PAX8: variants seen among roughly 807,000 people sequenced by gnomAD.
PAX8 encodes paired box protein Pax-8.
A neutral mutation model predicts 52.4 loss-of-function variants in PAX8; 15 were observed. The ratio of observed to expected loss-of-function variants is 0.29; its 90% CI spans 0.19 to 0.44. The LOEUF is 0.44. Ranked by LOEUF, PAX8 falls within the 20% of genes least tolerant of loss-of-function variation. PAX8 has a pLI of 1.00. For missense variants in PAX8, 554 were observed against 602.5 expected (o/e 0.92, Z 0.84); for synonymous variants, 284 against 249.7 (o/e 1.14, Z -1.29).
chr2:113,266,072 A>T (rs775786329), intron 2 of PAX8: 3 of 152,304 alleles, frequency 2.0e-5, no homozygotes, highest in Admixed American at 6.5e-5. Flanking sequence ...CATGGTGCAG[A>T]CTGAGCACAC....
At chr2:113,221,357 C>T (rs1367791415) in intron 10 of PAX8, among the ~76,000 whole-genome samples, 3 of 152,194 alleles carry the variant, frequency 2.0e-5, no homozygotes, top group South Asian at 2.1e-4. Flanking sequence ...TTCTGAGTCT[C>T]CTTCCCCAGA....
intron 2 of PAX8, among the ~76,000 whole-genome samples, chr2:113,261,196 G>C (rs1283831431): frequency 6.6e-6 from 1 of 152,152 alleles, no homozygotes; most frequent in Non-Finnish European, 1.5e-5. Flanking sequence ...TTTCTGGAGA[G>C]GAAACAGGGG....
chr2:113,262,854 C>T (rs1444712923), intron 2 of PAX8, among the ~76,000 whole-genome samples: 1 of 152,244 alleles, frequency 6.6e-6, no homozygotes, highest in African/African-American at 2.4e-5. Flanking sequence ...AACAACTCTT[C>T]TGACCCCTTG....
At chr2:113,220,035 C>T (rs1285115776) in intron 11 of PAX8, 57 bp downstream of exon 11, 40 of 1,308,618 alleles carry the variant, frequency 3.1e-5, no homozygotes, top group Non-Finnish European at 4.3e-5. Context: ...CCACCCTTGC[C>T]CCCCACCACT....
intron 2 of PAX8, chr2:113,275,094 G>A (rs1168752218): frequency 6.6e-6 from 1 of 151,918 alleles, no homozygotes; most frequent in Non-Finnish European, 1.5e-5. Flanking sequence ...TCCTTTTGGG[G>A]GTAGACTGAT....
chr2:113,278,654 G>A, intron 1 of PAX8, 177 bp downstream of exon 1: 1 of 660,704 alleles, frequency 1.5e-6, no homozygotes, highest in Non-Finnish European at 2.5e-6. Flanking sequence ...TCAAGGATTG[G>A]GAGTGCGCTG....
chr2:113,241,023 C>A, intron 7 of PAX8: 1 of 210,032 alleles, frequency 4.8e-6, no homozygotes, highest in Non-Finnish European at 9.8e-6. Flanking sequence ...GTCATGAAGG[C>A]TAGTGGTATT....
chr2:113,242,779 CTG>C lies in PAX8; in HGVS notation c.390-3_390-2del. ...TTGCTGCACTTTGGTCCGGATGATT[CTG>C]TGATGAAGAGAAGAAAGGCCATGAG... On this transcript the variant is annotated splice_acceptor_variant and splice_polypyrimidine_tract_variant and intron_variant, in intron 4 of 11. Coordinates refer to ENST00000429538, the MANE Select transcript of PAX8 (RefSeq NM_003466.4). LOFTEE classifies it high-confidence loss of function. 1 of 1,612,490 alleles carries C rather than the reference CTG, an allele frequency of 6.2e-7. No homozygotes were observed. Among genetic ancestry groups the C allele is most frequent in the Non-Finnish European group, 8.5e-7 (1 of 1,178,652 alleles).
At chr2:113,233,492 A>T (rs1690030402) in intron 9 of PAX8, among the ~76,000 whole-genome samples, 1 of 152,116 alleles carries the variant, frequency 6.6e-6, no homozygotes, top group Admixed American at 6.5e-5. Context: ...ATTCTGGCTA[A>T]CATGGTGAAA....
chr2:113,235,607 G>GGAGA, intron 8 of PAX8, 25 bp from the exon 9 acceptor site: 1 of 1,583,114 alleles, frequency 6.3e-7, no homozygotes, highest in Non-Finnish European at 8.6e-7. Context: ...GAGACAACAA[G>GGAGA]GAGAGAGGGG....
chr2:113,218,611 T>C lies in PAX8; in HGVS notation c.1277-2A>G. 6.5e-7 allele frequency: 1 copy of C among 1,549,858 alleles called. No individual in the cohort carries two copies. Among genetic ancestry groups the C allele is most frequent in the Non-Finnish European group, 8.7e-7 (1 of 1,144,320 alleles). On this transcript the variant is annotated splice_acceptor_variant, in intron 11 of 11. Coordinates refer to ENST00000429538, the MANE Select transcript of PAX8 (RefSeq NM_003466.4). LOFTEE classifies it high-confidence loss of function. ...TGGAACTGTAATAATATGGGGAACC[T>C]GGACACATTAAAAAAAAATAACAAC...
intron 2 of PAX8, among the ~76,000 whole-genome samples, chr2:113,254,686 C>T (rs1692060219): frequency 6.6e-6 from 1 of 152,204 alleles, no homozygotes; most frequent in African/African-American, 2.4e-5. Flanking sequence ...CACTACCTGA[C>T]CCTGACTTAG....
intron 2 of PAX8, among the ~76,000 whole-genome samples, chr2:113,248,779 T>A (rs1295160974): frequency 1.3e-5 from 2 of 150,354 alleles, no homozygotes; most frequent in Non-Finnish European, 3.0e-5. Context: ...ACCAACATGG[T>A]GAAACCCCAT....
At chr2:113,255,236 G>A (rs1414936027) in intron 2 of PAX8, among the ~76,000 whole-genome samples, 3 of 52,294 alleles carry the variant, frequency 5.7e-5, no homozygotes, top group African/African-American at 2.5e-4. Flanking sequence ...GGGAGGGGAG[G>A]AGGGAGGGGA....
intron 10 of PAX8, 120 bp from the exon 11 acceptor site, chr2:113,220,298 G>A (rs1689201562): frequency 1.4e-6 from 1 of 724,138 alleles, no homozygotes; most frequent in Non-Finnish European, 2.5e-6. Context: ...GGAGACAGTT[G>A]GAGCCACGGC....
chr2:113,241,883 T>TG, intron 6 of PAX8, 125 bp downstream of exon 6: 1 of 1,434,484 alleles, frequency 7.0e-7, no homozygotes, highest in Non-Finnish European at 9.7e-7. Flanking sequence ...GGACAGGACA[T>TG]GTGACAGTCA....
In PAX8 at chr2:113,216,353, G is replaced by T. The variant is rs1371982303; in HGVS notation, c.*2180C>A. 1 of 231,946 alleles carries T rather than the reference G, an allele frequency of 4.3e-6. No individual in the cohort carries two copies. Among genetic ancestry groups the T allele is most frequent in the African/African-American group, 2.2e-5 (1 of 45,244 alleles). 14.4% of individuals were successfully genotyped at this position (231,946 alleles called of 1,614,324 possible). ...AGCATCCCTAACCGCTCTTTGGGAG[G>T]CCTAAGGAGGTAAGAGCCCTCTCTC... On this transcript the variant is annotated 3_prime_UTR_variant, in exon 12 of 12. Coordinates refer to ENST00000429538, the MANE Select transcript of PAX8 (RefSeq NM_003466.4).
intron 4 of PAX8, among the ~76,000 whole-genome samples, 188 bp downstream of exon 4, chr2:113,244,239 T>A (rs2104497185): frequency 6.6e-6 from 1 of 152,202 alleles, no homozygotes; most frequent in East Asian, 1.9e-4. Flanking sequence ...CCCCATAGCA[T>A]GGGGCAAGGG....
intron 2 of PAX8, chr2:113,273,925 C>T (rs1490005144): frequency 6.6e-6 from 1 of 152,122 alleles, no homozygotes; most frequent in Non-Finnish European, 1.5e-5. Flanking sequence ...TCAATAAAAG[C>T]AGGCAAGATT....
Sources: allele counts gnomAD v4.1 joint callset (sites outside exome capture counted in the v4.1 genomes callset), GRCh38; gene constraint gnomAD v4.1.1; transcripts MANE v1.5; gene names NCBI Gene and HGNC (gene_info 2026-07-23, HGNC 2026-07-21).